Variants in PCDH19 observed in about 807,000 individuals in gnomAD.
PCDH19 encodes the protein protocadherin-19.
Under a neutral mutation model 46.2 loss-of-function variants are expected in PCDH19, and 6 were observed. The observed-to-expected ratio is 0.13, with a 90% CI of 0.07 to 0.26. The LOEUF is 0.26. Among genes scored for constraint, PCDH19 ranks in the 10% least tolerant of loss-of-function variants. PCDH19 has a pLI of 1.00. For missense variants in PCDH19, 740 were observed against 972.3 expected (o/e 0.76, Z 3.18); for synonymous variants, 481 against 415.7 (o/e 1.16, Z -1.91).
intron 4 of PCDH19, among the ~76,000 whole-genome samples, chrX:100,346,382 T>C (rs1926399947): frequency 8.9e-6 from 1 of 112,072 alleles, no homozygotes; most frequent in African/African-American, 3.2e-5. Context: ...ATTATAACTG[T>C]ATTTAAGTAA....
At position 100,324,591 on chromosome X, in the gene PCDH19, A is replaced by G. The variant is rs984483146; in HGVS notation, c.2848+17312T>C. ...ATTTTACATTTTTAAAAAACAGGAAAAAAGCAAATTAACATGATATAAACT... is the reference window on the plus strand; with the variant it reads ...ATTTTACATTTTTAAAAAACAGGAAGAAAGCAAATTAACATGATATAAACT... On this transcript the variant is annotated intron_variant, in intron 5 of 5. Coordinates refer to ENST00000373034, the MANE Select transcript of PCDH19 (RefSeq NM_001184880.2). Among the ~76,000 whole-genome samples, 5 of 112,464 alleles carry G rather than the reference A, an allele frequency of 4.4e-5. No homozygotes were observed. The East Asian group carries it at 1.1e-3, about 25-fold the overall frequency.
chrX:100,391,778 C>T (rs1417906373), intron 3 of PCDH19, among the ~76,000 whole-genome samples: 1 of 112,061 alleles, frequency 8.9e-6, no homozygotes, highest in Admixed American at 9.5e-5. Flanking sequence ...CTTCAATAAA[C>T]TAAAGCTTCT....
At chrX:100,302,807 C>A (rs1177463721) in intron 5 of PCDH19, among the ~76,000 whole-genome samples, 1 of 111,634 alleles carries the variant, frequency 9.0e-6, no homozygotes, top group Admixed American at 9.5e-5. Context: ...TTACATCTAT[C>A]TCAACCTAGC....
At chrX:100,387,027 T>C (rs1602623441) in intron 3 of PCDH19, among the ~76,000 whole-genome samples, 1 of 111,774 alleles carries the variant, frequency 8.9e-6, no homozygotes, top group East Asian at 2.8e-4. Context: ...GCATTGGCTA[T>C]GGGGTGGAGA....
At chrX:100,395,012 C>G (rs1251864280) in intron 3 of PCDH19, among the ~76,000 whole-genome samples, 1 of 109,234 alleles carries the variant, frequency 9.2e-6, no homozygotes, top group Non-Finnish European at 1.9e-5. Context: ...CTCAGCCTCC[C>G]AAGTAGCTGG....
At position 100,407,934 on chromosome X, in the gene PCDH19, C is replaced by A. The variant is rs1213074270; in HGVS notation, c.664G>T (p.Val222Phe). The A allele has an allele frequency of 8.3e-7, 1 of 1,211,266 alleles. No individual in the cohort carries two copies. Among genetic ancestry groups the A allele is most frequent in the Non-Finnish European group, 1.1e-6 (1 of 895,661 alleles). The change falls in exon 1 of 6, where the codon GTT becomes TTT. Residue 222 changes from valine to phenylalanine, a missense_variant. Around this residue, in one of 5 missense-constraint regions of PCDH19, gnomAD observed 186 missense variants for 319.9 expected, o/e 0.58. Transcript: ENST00000373034. ...DGGDPPRLGT[V>F]GLSIKVTDSN... ...TCGGTCACCTTGATACTAAGGCCAA[C>A]GGTGCCCAGGCGCGGCGGGTCGCCA...
chrX:100,393,904 G>C (rs1927941925), intron 3 of PCDH19, among the ~76,000 whole-genome samples: 1 of 112,419 alleles, frequency 8.9e-6, no homozygotes, highest in Non-Finnish European at 1.9e-5. Context: ...AGTGGCTCAT[G>C]CCTGTAATCC....
Position 100,407,003 on chromosome X carries a change from T to C in PCDH19, c.1595A>G (p.Lys532Arg). ...NHEQTKAFEF[K>R]VLAKDGGLPS... ...AAGGCCGCCGTCCTTGGCCAGCACC[T>C]TGAATTCGAACGCCTTGGTCTGCTC... The change falls in exon 1 of 6, where the codon AAG becomes AGG. Residue 532 changes from lysine (K) to arginine (R), a missense_variant. Physicochemically the swap from Lys to Arg is conservative, Grantham distance 26. This residue lies in a region of PCDH19 where 186 missense variants were observed against 319.9 expected (regional missense o/e 0.58). Coordinates refer to ENST00000373034, the MANE Select transcript of PCDH19 (RefSeq NM_001184880.2). 8.3e-7 allele frequency: 1 copy of C among 1,211,626 alleles called. No homozygotes were observed. Among genetic ancestry groups the C allele is most frequent in the Non-Finnish European group, 1.1e-6 (1 of 895,487 alleles).
chrX:100,392,254 T>A (rs1198575024), intron 3 of PCDH19, among the ~76,000 whole-genome samples: 1 of 112,243 alleles, frequency 8.9e-6, no homozygotes, highest in Non-Finnish European at 1.9e-5. Context: ...AATTATTATA[T>A]TTTTTACTGC....
chrX:100,384,264 G>C (rs1927645044), intron 3 of PCDH19, among the ~76,000 whole-genome samples: 1 of 111,171 alleles, frequency 9.0e-6, no homozygotes, highest in Admixed American at 9.6e-5. Context: ...CAAATTAAAA[G>C]TCATTCAACA....
At chrX:100,351,658 A>G (rs768122925) in intron 3 of PCDH19, among the ~76,000 whole-genome samples, 2 of 112,420 alleles carry the variant, frequency 1.8e-5, no homozygotes, top group East Asian at 2.8e-4. Context: ...CCATCCCACT[A>G]GAAATCTCCA....
intron 5 of PCDH19, among the ~76,000 whole-genome samples, chrX:100,336,663 C>CA (rs1396737666): frequency 4.5e-5 from 5 of 112,109 alleles, no homozygotes; most frequent in South Asian, 7.4e-4. Context: ...CTAAATCTTA[C>CA]AAAAAAATTC....
chrX:100,307,284 A>G (rs1324326476), intron 5 of PCDH19, among the ~76,000 whole-genome samples: 1 of 112,161 alleles, frequency 8.9e-6, no homozygotes, highest in Non-Finnish European at 1.9e-5. Flanking sequence ...CACAAAATTT[A>G]AAACAAAAAT....
chrX:100,318,526 G>A (rs764928001), intron 5 of PCDH19, among the ~76,000 whole-genome samples: 22 of 112,026 alleles, frequency 2.0e-4, no homozygotes, highest in African/African-American at 5.8e-4. Flanking sequence ...AAGACATCAC[G>A]CCATCAGGCT....
intron 5 of PCDH19, among the ~76,000 whole-genome samples, chrX:100,337,259 G>C (rs763827561): frequency 9.0e-6 from 1 of 111,714 alleles, no homozygotes; most frequent in Non-Finnish European, 1.9e-5. Flanking sequence ...TAAAAAATTT[G>C]AGTGTTGACT....
chrX:100,357,254 T>C lies in PCDH19; in HGVS notation c.2617-6550A>G, dbSNP rs150622646. ...CAACTTGGAGAATTACACTGCTACT[T>C]TGTAGAACTAAATAACACCCTAATG... On this transcript the variant is annotated intron_variant, in intron 3 of 5. Coordinates refer to ENST00000373034, the MANE Select transcript of PCDH19 (RefSeq NM_001184880.2). 5.1e-3 allele frequency among the ~76,000 whole-genome samples: 567 copies of C among 111,909 alleles called. 1 individual carries two copies. Among genetic ancestry groups the C allele is most frequent in the Middle Eastern group, 0.032 (7 of 216 alleles).
At chrX:100,338,201 G>A (rs775673397) in intron 5 of PCDH19, among the ~76,000 whole-genome samples, 5 of 109,291 alleles carry the variant, frequency 4.6e-5, no homozygotes, top group Admixed American at 1.9e-4. Context: ...AATTAGCGGG[G>A]CGTAGTGGCG....
chrX:100,330,137 G>C (rs966372702), intron 5 of PCDH19, among the ~76,000 whole-genome samples: 4 of 111,449 alleles, frequency 3.6e-5, no homozygotes, highest in African/African-American at 1.3e-4. Flanking sequence ...AATTCTTTTG[G>C]TTCACCTCCC....
At chrX:100,357,539 C>G (rs1262796998) in intron 3 of PCDH19, among the ~76,000 whole-genome samples, 1 of 111,629 alleles carries the variant, frequency 9.0e-6, no homozygotes, top group Non-Finnish European at 1.9e-5. Context: ...TCTTCCTCAC[C>G]CACTATTTTC....
Sources: gnomAD v4.1 joint callset for allele counts (sites outside exome capture counted in the v4.1 genomes callset) on GRCh38, gnomAD v4.1.1 for gene constraint, gnomAD v4.1.1 regional missense constraint, MANE v1.5 for transcripts, NCBI Gene and HGNC (gene_info 2026-07-23, HGNC 2026-07-21) for gene names.